The following CCDC169 variants were observed in gnomAD, a reference collection of about 807,000 sequenced individuals.
CCDC169 encodes coiled-coil domain-containing protein 169.
A neutral mutation model predicts 36.0 loss-of-function variants in CCDC169; 30 were observed. The ratio of observed to expected loss-of-function variants is 0.83; its 90% confidence interval spans 0.62 to 1.13. The LOEUF (loss-of-function observed/expected upper bound fraction) is 1.13. CCDC169 is among the 50% of genes most tolerant of loss of function. The pLI, the probability that CCDC169 is intolerant of heterozygous loss-of-function variation, is 0.00. For synonymous variants in CCDC169, 85 were observed against 81.5 expected (o/e 1.04, Z -0.23); for missense variants, 245 against 245.9 (o/e 1.00, Z 0.03).
intron 4 of CCDC169, among the ~76,000 whole-genome samples, chr13:36,269,432 T>C (rs981671136): frequency 6.6e-6 from 1 of 152,134 alleles, no homozygotes; most frequent in African/African-American, 2.4e-5. Flanking sequence ...ATGAAGCCAG[T>C]ATCACCCTGA....
At chr13:36,257,748 C>T (rs1010688930) in intron 4 of CCDC169, among the ~76,000 whole-genome samples, 3 of 151,526 alleles carry the variant, frequency 2.0e-5, no homozygotes, top group Admixed American at 2.0e-4. Flanking sequence ...CTAGATTGAG[C>T]TCCTTGTAAA....
At chr13:36,257,374 T>G (rs1381294330) in intron 4 of CCDC169, among the ~76,000 whole-genome samples, 1 of 152,106 alleles carries the variant, frequency 6.6e-6, no homozygotes, top group East Asian at 1.9e-4. Context: ...ATTTCAAGTT[T>G]CCTTCTGCTT....
At chr13:36,257,219 C>A (rs1247055100) in intron 4 of CCDC169, among the ~76,000 whole-genome samples, 1 of 152,172 alleles carries the variant, frequency 6.6e-6, no homozygotes, top group East Asian at 1.9e-4. Flanking sequence ...GAGCTCATGG[C>A]AGCCCCTAGC....
At chr13:36,243,605 G>A (rs368534707) in intron 7 of CCDC169, among the ~76,000 whole-genome samples, 10 of 152,042 alleles carry the variant, frequency 6.6e-5, no homozygotes, top group South Asian at 2.1e-4. Flanking sequence ...TCGGAAGTTC[G>A]AGACCAGCCT....
chr13:36,237,097 T>A (rs1871178413), intron 7 of CCDC169, among the ~76,000 whole-genome samples: 1 of 151,632 alleles, frequency 6.6e-6, no homozygotes, highest in African/African-American at 2.4e-5. Flanking sequence ...TTTTCCCCAA[T>A]TTTTTTTGAT....
downstream of CCDC169, chr13:36,227,258 G>C (rs542327259): frequency 6.4e-7 from 1 of 1,551,236 alleles, no homozygotes; most frequent in East Asian, 2.4e-5. Flanking sequence ...GTAAGCAGGC[G>C]GGCCAGAGTG....
intron 4 of CCDC169, among the ~76,000 whole-genome samples, chr13:36,275,094 T>TC (rs1876611039): frequency 6.6e-6 from 1 of 151,970 alleles, no homozygotes; most frequent in Non-Finnish European, 1.5e-5. Context: ...GGTCTCGATC[T>TC]ATGACCTCGT....
At chr13:36,294,594 G>T (rs998016207) in intron 2 of CCDC169, among the ~76,000 whole-genome samples, 7 of 152,084 alleles carry the variant, frequency 4.6e-5, no homozygotes, top group African/African-American at 1.7e-4. Flanking sequence ...ACGAGCCACA[G>T]ACAAAACCCC....
At chr13:36,277,121 TA>T (rs1408543033) in intron 4 of CCDC169, among the ~76,000 whole-genome samples, 3 of 152,114 alleles carry the variant, frequency 2.0e-5, no homozygotes, top group Non-Finnish European at 2.9e-5. Context: ...CACCATGGAA[TA>T]ATATGCAGCC....
At chr13:36,247,088 T>C (rs1390284291) in intron 7 of CCDC169, among the ~76,000 whole-genome samples, 1 of 152,184 alleles carries the variant, frequency 6.6e-6, no homozygotes, top group Admixed American at 6.5e-5. Flanking sequence ...CTGTACTCTA[T>C]ACATGAAACA....
chr13:36,241,634 G>A (rs1233057431), intron 7 of CCDC169, among the ~76,000 whole-genome samples: 1 of 152,040 alleles, frequency 6.6e-6, no homozygotes. Context: ...ATTACTGATG[G>A]ACATTTAAGC....
intron 1 of CCDC169, among the ~76,000 whole-genome samples, chr13:36,296,132 C>T (rs1271843337): frequency 6.6e-6 from 1 of 152,188 alleles, no homozygotes; most frequent in Non-Finnish European, 1.5e-5. Flanking sequence ...CGCTCTGTCG[C>T]CCAGGCTGGA....
At chr13:36,262,417 A>G (rs1396976864) in intron 4 of CCDC169, among the ~76,000 whole-genome samples, 2 of 152,228 alleles carry the variant, frequency 1.3e-5, no homozygotes, top group Non-Finnish European at 2.9e-5. Flanking sequence ...TGCTAGATCT[A>G]GTCTCCTACT....
chr13:36,291,109 C>A (rs1878829352), intron 2 of CCDC169, among the ~76,000 whole-genome samples: 4 of 152,158 alleles, frequency 2.6e-5, no homozygotes, highest in African/African-American at 9.7e-5. Flanking sequence ...GTTGGACATG[C>A]CACACTATAC....
At chr13:36,239,915 C>G (rs1352829315) in intron 7 of CCDC169, among the ~76,000 whole-genome samples, 1 of 152,128 alleles carries the variant, frequency 6.6e-6, no homozygotes, top group African/African-American at 2.4e-5. Flanking sequence ...GAGAGAGACA[C>G]CACATTCATA....
chr13:36,273,313 T>A (rs1021735755), intron 4 of CCDC169, among the ~76,000 whole-genome samples: 111 of 152,342 alleles, frequency 7.3e-4, no homozygotes, highest in Non-Finnish European at 1.2e-3. Context: ...ACACCAATTA[T>A]ACCCACAGTT....
chr13:36,230,494 CCA>C (rs1390137032), downstream of CCDC169, among the ~76,000 whole-genome samples: 1 of 152,140 alleles, frequency 6.6e-6, no homozygotes, highest in Non-Finnish European at 1.5e-5. Flanking sequence ...CTATGAATTA[CCA>C]CACATCACAA....
chr13:36,290,760 G>T (rs145547365), intron 2 of CCDC169, among the ~76,000 whole-genome samples: 12 of 152,020 alleles, frequency 7.9e-5, no homozygotes, highest in African/African-American at 2.9e-4. Context: ...CCTAAAAGGG[G>T]TTTTAAAGAT....
downstream of CCDC169, among the ~76,000 whole-genome samples, chr13:36,228,613 G>T (rs578096023): frequency 6.6e-6 from 1 of 152,156 alleles, no homozygotes; most frequent in Non-Finnish European, 1.5e-5. Context: ...ACGCTGGAGT[G>T]CAGTGGCTCA....
Sources: allele counts gnomAD v4.1 joint callset (sites outside exome capture counted in the v4.1 genomes callset), GRCh38; gene constraint gnomAD v4.1.1; transcripts MANE v1.5; gene names NCBI Gene and HGNC (gene_info 2026-07-23, HGNC 2026-07-21).